Variants in ZNF69 observed in about 807,000 individuals in gnomAD.
ZNF69 encodes zinc finger protein 69, also known as ZNF3.
Under a neutral mutation model 50.9 loss-of-function variants are expected in ZNF69, and 47 were observed. That is an observed-to-expected ratio of 0.92 (90% confidence interval 0.73 to 1.18). The LOEUF is 1.18. ZNF69 is among the 50% of genes most tolerant of loss of function. The probability of loss-of-function intolerance (pLI) is 0.00; values close to 1 mark genes in which losing one functional copy is unlikely to be tolerated. For missense variants in ZNF69, 717 were observed against 675.1 expected (o/e 1.06, Z -0.69); for synonymous variants, 216 against 223.1 (o/e 0.97, Z 0.29).
the ZNF69 span, among the ~76,000 whole-genome samples, chr19:11,966,264 A>G: frequency 6.6e-6 from 1 of 152,028 alleles, no homozygotes; most frequent in Admixed American, 6.6e-5. Context: ...GTATAAGGAG[A>G]CCTGTCTCAC....
downstream of ZNF69, among the ~76,000 whole-genome samples, chr19:11,916,714 CTG>C (rs1972525750): frequency 6.6e-6 from 1 of 152,126 alleles, no homozygotes; most frequent in Non-Finnish European, 1.5e-5. Context: ...AAAGAGAAAA[CTG>C]TTCACCTAAT....
the ZNF69 span, among the ~76,000 whole-genome samples, chr19:11,934,224 G>A: frequency 6.8e-6 from 1 of 147,800 alleles, no homozygotes; most frequent in East Asian, 1.9e-4. Context: ...CTAGTTTTTG[G>A]CAGTTATGAG....
At chr19:11,945,406 C>A in the ZNF69 span, among the ~76,000 whole-genome samples, 1 of 152,158 alleles carries the variant, frequency 6.6e-6, no homozygotes, top group Non-Finnish European at 1.5e-5. Context: ...CCTGTACTGG[C>A]CTGTAGTTCT....
the ZNF69 span, among the ~76,000 whole-genome samples, chr19:11,974,069 TTTTCTTTCTTTCTTTCTTTCTTTC>T: frequency 4.4e-4 from 50 of 114,776 alleles, no homozygotes; most frequent in Admixed American, 5.7e-4. Context: ...TCCTTCTTTC[TTTTCTTTCTTTCTTTCTTTCTTTC>T]TTTCTTTCTT....
chr19:11,905,005 C>A lies in ZNF69; in HGVS notation c.608C>A (p.Ser203Tyr), dbSNP rs758097138. 8 of 1,613,978 alleles carry A rather than the reference C, an allele frequency of 5.0e-6. No individual in the cohort carries two copies. In the African/African-American group the frequency reaches 9.3e-5, roughly 19 times the overall value. ...AAAGAATGTGGAAAAACTTTTATTT[C>A]CCATTCAAGCATTCAAAGACACGTG... ...ACKECGKTFI[S>Y]HSSIQRHVVM... Residue 203 changes from serine (S) to tyrosine (Y), a missense_variant, in exon 4 of 4, where the codon TCC becomes TAC. By Grantham distance (144) the Ser-to-Tyr change is moderately radical. Transcript: ENST00000429654.
chr19:11,959,733 G>T, the ZNF69 span, among the ~76,000 whole-genome samples: 1 of 152,108 alleles, frequency 6.6e-6, no homozygotes, highest in Non-Finnish European at 1.5e-5. Context: ...GGAAATAATT[G>T]CTGGCTTGTA....
the ZNF69 span, chr19:11,948,830 A>G: frequency 0.081 from 130,499 of 1,609,290 alleles, 5,983 homozygotes; most frequent in Middle Eastern, 0.11. Context: ...CAAATACATG[A>G]AAGAACTCAC....
the ZNF69 span, among the ~76,000 whole-genome samples, chr19:11,921,688 A>G: frequency 1.3e-5 from 2 of 151,970 alleles, no homozygotes; most frequent in Non-Finnish European, 2.9e-5. Context: ...TTTTTAGTAG[A>G]GACAGGGTTT....
At chr19:11,971,879 C>T in the ZNF69 span, among the ~76,000 whole-genome samples, 3 of 151,964 alleles carry the variant, frequency 2.0e-5, no homozygotes, top group East Asian at 3.9e-4. Context: ...GCCTGACAAA[C>T]GTGGAGGTTT....
chr19:11,978,939 C>G, the ZNF69 span: 6 of 1,614,158 alleles, frequency 3.7e-6, no homozygotes, highest in Non-Finnish European at 5.1e-6. Flanking sequence ...GGGAGAGAAG[C>G]CTTATCAATG....
chr19:11,979,656 G>T, the ZNF69 span: 740 of 1,598,940 alleles, frequency 4.6e-4, 2 homozygotes, highest in African/African-American at 9.1e-3. Context: ...AAAGCCTTCA[G>T]ATCTGCCTCA....
chr19:11,959,244 A>G, the ZNF69 span, among the ~76,000 whole-genome samples: 952 of 152,256 alleles, frequency 6.3e-3, 10 homozygotes, highest in African/African-American at 0.022. Flanking sequence ...GCTGGTTGGA[A>G]CCTTAATGAG....
At chr19:11,953,696 A>G in the ZNF69 span, among the ~76,000 whole-genome samples, 1,101 of 152,364 alleles carry the variant, frequency 7.2e-3, 6 homozygotes, top group African/African-American at 0.025. Context: ...AAGACCCACA[A>G]TAAAAAAGGT....
chr19:11,932,612 T>G, the ZNF69 span, among the ~76,000 whole-genome samples: 2 of 145,974 alleles, frequency 1.4e-5, no homozygotes, highest in Non-Finnish European at 2.9e-5. Context: ...TTTTTGCATG[T>G]TTTTTATGCA....
rs567973413 is a variant in ZNF69, at chr19:11,890,316, G to T, written c.63+2330G>T. On this transcript the variant is annotated intron_variant, in intron 1 of 3. Coordinates refer to ENST00000429654, the MANE Select transcript of ZNF69 (RefSeq NM_001364730.1). ...TGGGCAGAGGTCCCTGCGGCTTTCC[G>T]CAGTGCACTGTGCCCCTGGTTAACC... Among the ~76,000 whole-genome samples the T allele has an allele frequency of 6.6e-5, 10 of 152,264 alleles. No homozygotes were observed. In the East Asian group the frequency reaches 1.9e-3, roughly 29 times the overall value.
intron 1 of ZNF69, among the ~76,000 whole-genome samples, chr19:11,896,331 G>A (rs978237702): frequency 7.4e-5 from 11 of 147,994 alleles, no homozygotes; most frequent in Admixed American, 4.8e-4. Context: ...TTAGTATAAC[G>A]TTCAAAGCTG....
intron 1 of ZNF69, among the ~76,000 whole-genome samples, chr19:11,889,119 A>G (rs952018781): frequency 1.3e-5 from 2 of 152,172 alleles, no homozygotes; most frequent in African/African-American, 4.8e-5. Context: ...GGAATGCTGA[A>G]GGAAGGGGGT....
At chr19:11,934,519 C>CTTTG in the ZNF69 span, among the ~76,000 whole-genome samples, 29 of 146,520 alleles carry the variant, frequency 2.0e-4, no homozygotes, top group Admixed American at 8.0e-4. Flanking sequence ...TTCTTTTTTT[C>CTTTG]TTTGTTTGTT....
rs975225062 is a variant in ZNF69 at position 11,903,624 on chromosome 19, G to A, written c.115G>A (p.Ala39Thr). ...TGTGAACTTCACCCAGGAGGAGTGGGCTTTGCTGGATATTTCCCAGAGGAA... is the reference window on the plus strand; with the variant it reads ...TGTGAACTTCACCCAGGAGGAGTGGACTTTGCTGGATATTTCCCAGAGGAA... ...VAVNFTQEEW[A>T]LLDISQRKLY... is the part of the protein sequence containing the mutation. The change falls in exon 2 of 4, where the codon GCT becomes ACT. Residue 39 changes from alanine (A) to threonine (T), a missense_variant. Ala to Thr is a moderately conservative substitution (Grantham distance 58). Coordinates refer to ENST00000429654, the MANE Select transcript of ZNF69 (RefSeq NM_001364730.1). 3 of 1,614,144 alleles carry A rather than the reference G, an allele frequency of 1.9e-6. No homozygotes were observed. The highest frequency in any genetic ancestry group is 1.1e-5 in the South Asian group (1 of 91,082).
Sources: allele counts gnomAD v4.1 joint callset (sites outside exome capture counted in the v4.1 genomes callset), GRCh38; gene constraint gnomAD v4.1.1; transcripts MANE v1.5; gene names NCBI Gene and HGNC (gene_info 2026-07-23, HGNC 2026-07-21).